Variants in DNAJC25 observed in about 807,000 individuals in gnomAD.
DNAJC25 encodes dnaJ homolog subfamily C member 25.
A neutral mutation model predicts 42.1 loss-of-function variants in DNAJC25; 26 were observed. That is an observed-to-expected ratio of 0.62 (90% confidence interval 0.45 to 0.86). The LOEUF (loss-of-function observed/expected upper bound fraction) is 0.86, where lower values mean the gene tolerates loss of function less well. DNAJC25 is among the 40% of genes least tolerant of loss of function. DNAJC25 has a pLI of 0.00. For synonymous variants in DNAJC25, 189 were observed against 179.9 expected, an observed-to-expected ratio of 1.05 and a Z score of -0.40; for missense variants, 404 against 459.4, an observed-to-expected ratio of 0.88 and a Z score of 1.10.
intron 1 of DNAJC25, among the ~76,000 whole-genome samples, chr9:111,641,938 G>A (rs1209519640): frequency 1.4e-5 from 2 of 139,844 alleles, no homozygotes; most frequent in African/African-American, 5.3e-5. Flanking sequence ...GGGAGGTGGG[G>A]GGTTCAGCCC....
At chr9:111,646,410 A>G (rs1479362266) in intron 1 of DNAJC25, among the ~76,000 whole-genome samples, 1 of 152,222 alleles carries the variant, frequency 6.6e-6, no homozygotes, top group African/African-American at 2.4e-5. Flanking sequence ...GAAGATCTAT[A>G]TGTTACCTCA....
intron 1 of DNAJC25, among the ~76,000 whole-genome samples, chr9:111,633,526 C>T (rs1044051362): frequency 1.3e-5 from 2 of 152,096 alleles, no homozygotes; most frequent in African/African-American, 2.4e-5. Flanking sequence ...AACAAGTGGA[C>T]GCTTACCCTC....
Position 111,641,533 on chromosome 9 carries a change from GGGTCGGACCCCGCCC to G in DNAJC25, c.337-5571_337-5557del, listed in dbSNP as rs1311292430. ...CGCCCGGTCCGGGAGGGAGGTGGGG[GGGTCGGACCCCGCCC>G]GGCCAGCCGCCCCATCCGGGAGGGA... is the stretch of plus-strand genomic sequence containing the variant. On this transcript the variant is annotated intron_variant, in intron 1 of 3. Coordinates refer to ENST00000313525, the MANE Select transcript of DNAJC25 (RefSeq NM_001015882.3). 2.6e-3 allele frequency among the ~76,000 whole-genome samples: 240 copies of G among 90,912 alleles called. 1 individual carries two copies. Among genetic ancestry groups the G allele is most frequent in the African/African-American group, 4.2e-3 (77 of 18,500 alleles). 59.6% of individuals were successfully genotyped at this position (90,912 alleles called of 152,430 possible).
intron 1 of DNAJC25, among the ~76,000 whole-genome samples, chr9:111,639,924 C>CTCCCTCTCCCTT (rs1830421942): frequency 2.1e-5 from 3 of 141,600 alleles, no homozygotes; most frequent in African/African-American, 5.3e-5. Flanking sequence ...CCCTCTCCCT[C>CTCCCTCTCCCTT]TCCCTCTCCG....
At position 111,649,895 on chromosome 9, in the gene DNAJC25, G is replaced by T. The variant is rs201199012; in HGVS notation, c.932G>T (p.Arg311Leu). The T allele has an allele frequency of 1.9e-6, 3 of 1,591,600 alleles. No individual in the cohort carries two copies. Among genetic ancestry groups the T allele is most frequent in the Admixed American group, 1.8e-5 (1 of 56,132 alleles). Residue 311 changes from arginine (R) to leucine (L), a missense_variant, in exon 3 of 4, where the codon CGA (arginine) becomes CTA (leucine). By Grantham distance (102) the Arg-to-Leu change is moderately radical (BLOSUM62 -2). Transcript: ENST00000313525. ...CATCAGAAAGAAACTTTTCTTAAACGAGAGCTCTGGATCAAGGAGAATTAT... is the reference window on the plus strand; with the variant it reads ...CATCAGAAAGAAACTTTTCTTAAACTAGAGCTCTGGATCAAGGAGAATTAT... Reference protein sequence around the residue: ...EDHQKETFLKRELWIKENYEV... With the variant: ...EDHQKETFLKLELWIKENYEV...
intron 1 of DNAJC25, among the ~76,000 whole-genome samples, chr9:111,641,390 TG>T (rs1830461161): frequency 8.3e-6 from 1 of 120,132 alleles, no homozygotes; most frequent in African/African-American, 3.1e-5. Flanking sequence ...CCGCCCTGTC[TG>T]GGAGGGAGGT....
At chr9:111,646,423 T>C (rs1001429589) in intron 1 of DNAJC25, among the ~76,000 whole-genome samples, 3 of 152,358 alleles carry the variant, frequency 2.0e-5, no homozygotes, top group Admixed American at 6.5e-5. Context: ...TTACCTCATT[T>C]GTGACCTGGG....
Position 111,631,607 on chromosome 9 carries a change from GGGCCTACCGCCAGCTGGCCC to G in DNAJC25, c.204_223del (p.Tyr69LeufsTer4), listed in dbSNP as rs1201035765. The G allele has an allele frequency of 6.7e-7, 1 of 1,486,028 alleles. No individual in the cohort carries two copies. The highest frequency in any genetic ancestry group is 1.3e-5 in the South Asian group (1 of 78,954). The allele number at this position is 1,486,028 out of a possible 1,614,324, so 92.1% of individuals were successfully genotyped here. On this transcript the variant is annotated frameshift_variant, in exon 1 of 4. Coordinates refer to ENST00000313525, the MANE Select transcript of DNAJC25 (RefSeq NM_001015882.3). LOFTEE classifies it high-confidence loss of function. ...TCGGCGGGCAAGGCGGAGATCGCGC[GGGCCTACCGCCAGCTGGCCC>G]GGCGCTACCACCCTGACCGCTACCG...
Position 111,653,329 on chromosome 9 carries a change from T to A in DNAJC25, c.*107T>A. 1 of 1,264,966 alleles carries A rather than the reference T, an allele frequency of 7.9e-7. No homozygotes were observed. Among genetic ancestry groups the A allele is most frequent in the Non-Finnish European group, 1.0e-6 (1 of 975,890 alleles). The allele number at this position is 1,264,966 out of a possible 1,614,324, so 78.4% of individuals were successfully genotyped here. ...ACTGCTGCTCAGCAGTAACTAAAAT[T>A]CCTCAAGTATTTGATTAAACAGAAT... On this transcript the variant is annotated 3_prime_UTR_variant, in exon 4 of 4. Transcript: ENST00000313525.
At chr9:111,652,553 A>T (rs12380649) in intron 3 of DNAJC25, among the ~76,000 whole-genome samples, 58,202 of 140,746 alleles carry the variant, frequency 0.41, 14,265 homozygotes, top group African/African-American at 0.68. Flanking sequence ...CTTTTTTTTT[A>T]AATTTGAGAT....
rs1313002200 is a variant in DNAJC25, at chr9:111,631,363, T to G, written c.-45T>G. 7 of 1,265,112 alleles carry G rather than the reference T, an allele frequency of 5.5e-6. No individual in the cohort carries two copies. Among genetic ancestry groups the G allele is most frequent in the Admixed American group, 4.2e-5 (1 of 23,690 alleles). 78.4% of individuals were successfully genotyped at this position (1,265,112 alleles called of 1,614,324 possible). Reference sequence around the variant, plus strand: ...GGGACTAGCCGGGCGCGCGGCTGAGTGCTGCAGAATCGCTGGGGTGGCAGA... The same window carrying G: ...GGGACTAGCCGGGCGCGCGGCTGAGGGCTGCAGAATCGCTGGGGTGGCAGA... On this transcript the variant is annotated 5_prime_UTR_variant, in exon 1 of 4. Transcript: ENST00000313525.
intron 1 of DNAJC25, among the ~76,000 whole-genome samples, chr9:111,637,798 G>A (rs193267015): frequency 6.6e-6 from 1 of 152,204 alleles, no homozygotes; most frequent in East Asian, 1.9e-4. Flanking sequence ...TGACCATTTC[G>A]TTCTTTAAGG....
At chr9:111,645,847 A>C (rs1316843921) in intron 1 of DNAJC25, among the ~76,000 whole-genome samples, 1 of 152,084 alleles carries the variant, frequency 6.6e-6, no homozygotes, top group African/African-American at 2.4e-5. Flanking sequence ...CTGGAGTGTG[A>C]TGGCATGATC....
chr9:111,634,726 G>GT (rs75920536), intron 1 of DNAJC25, among the ~76,000 whole-genome samples: 43 of 146,482 alleles, frequency 2.9e-4, no homozygotes, highest in East Asian at 7.8e-4. Context: ...AGGGGGTTTT[G>GT]TTTTTTTTTT....
chr9:111,645,377 C>T (rs1048628615), intron 1 of DNAJC25, among the ~76,000 whole-genome samples: 1 of 151,938 alleles, frequency 6.6e-6, no homozygotes, highest in African/African-American at 2.4e-5. Context: ...GCCTCAGCCT[C>T]CCGAGTAGCT....
At chr9:111,639,806 C>T (rs867957460) in intron 1 of DNAJC25, among the ~76,000 whole-genome samples, 148 of 151,656 alleles carry the variant, frequency 9.8e-4, no homozygotes, top group African/African-American at 3.3e-3. Context: ...ACCTTCACCA[C>T]CCCAAAGATG....
intron 1 of DNAJC25, among the ~76,000 whole-genome samples, chr9:111,636,949 G>A (rs928942728): frequency 6.6e-6 from 1 of 152,172 alleles, no homozygotes; most frequent in African/African-American, 2.4e-5. Context: ...ATGGCCAAGG[G>A]TGATTATATA....
At chr9:111,640,364 G>A (rs1299242210) in intron 1 of DNAJC25, among the ~76,000 whole-genome samples, 20 of 146,556 alleles carry the variant, frequency 1.4e-4, no homozygotes, top group Non-Finnish European at 2.7e-4. Flanking sequence ...TGGGAAGTGA[G>A]GAGCGTCTCT....
At chr9:111,635,986 G>A (rs1277399024) in intron 1 of DNAJC25, among the ~76,000 whole-genome samples, 1 of 152,146 alleles carries the variant, frequency 6.6e-6, no homozygotes, top group Non-Finnish European at 1.5e-5. Context: ...ACTGACATAG[G>A]GGCTTGGAGG....
Sources: allele counts gnomAD v4.1 joint callset (sites outside exome capture counted in the v4.1 genomes callset), GRCh38; gene constraint gnomAD v4.1.1; transcripts MANE v1.5; gene names NCBI Gene and HGNC (gene_info 2026-07-23, HGNC 2026-07-21).